LYPLAL1: variants seen among roughly 807,000 people sequenced by gnomAD.
The protein encoded by LYPLAL1 is lysophospholipase like 1.
In LYPLAL1, 23 loss-of-function variants were observed where a neutral mutation model predicts 19.7. The observed-to-expected ratio is 1.17, with a 90% CI of 0.84 to 1.65. The LOEUF (loss-of-function observed/expected upper bound fraction) is 1.65, where lower values mean the gene tolerates loss of function less well. Among genes scored for constraint, LYPLAL1 ranks in the 40% most tolerant of loss-of-function variants. The pLI, the probability that LYPLAL1 is intolerant of heterozygous loss-of-function variation, is 0.00. For missense variants in LYPLAL1, 355 were observed against 279.4 expected (o/e 1.27, Z -1.93); for synonymous variants, 119 against 96.3 (o/e 1.24, Z -1.38).
the LYPLAL1 span, among the ~76,000 whole-genome samples, chr1:219,261,099 AG>A: frequency 1.3e-5 from 2 of 152,184 alleles, no homozygotes; most frequent in Admixed American, 6.6e-5. Flanking sequence ...TCAGAGGAAA[AG>A]GCATCGCCTT....
chr1:219,248,704 G>A, the LYPLAL1 span, among the ~76,000 whole-genome samples: 3 of 152,194 alleles, frequency 2.0e-5, 1 homozygote, highest in East Asian at 5.8e-4. Flanking sequence ...TTTTGTGGTT[G>A]CTTCAGGGCG....
the LYPLAL1 span, among the ~76,000 whole-genome samples, chr1:219,226,085 C>T: frequency 6.6e-5 from 10 of 152,200 alleles, no homozygotes; most frequent in Non-Finnish European, 1.3e-4. Context: ...CTCCATGTTT[C>T]TGTATTCATC....
chr1:219,230,982 C>G, the LYPLAL1 span, among the ~76,000 whole-genome samples: 2 of 152,106 alleles, frequency 1.3e-5, no homozygotes, highest in Admixed American at 6.5e-5. Flanking sequence ...TTTAGAGACT[C>G]TCTTAAAAAA....
chr1:219,261,322 TTGTC>T, the LYPLAL1 span, among the ~76,000 whole-genome samples: 2 of 152,130 alleles, frequency 1.3e-5, no homozygotes, highest in African/African-American at 4.8e-5. Context: ...CTGGTGGTGA[TTGTC>T]TGCTCAAGAT....
chr1:219,443,698 C>T, the LYPLAL1 span, among the ~76,000 whole-genome samples: 2 of 151,170 alleles, frequency 1.3e-5, no homozygotes, highest in Non-Finnish European at 2.9e-5. Context: ...CACCAAACTT[C>T]TAAAGAAAGA....
At chr1:219,231,820 CTA>C in the LYPLAL1 span, among the ~76,000 whole-genome samples, 1 of 152,090 alleles carries the variant, frequency 6.6e-6, no homozygotes, top group African/African-American at 2.4e-5. Flanking sequence ...ATAGACAACT[CTA>C]TATATGTTCT....
At chr1:219,403,129 A>G in the LYPLAL1 span, among the ~76,000 whole-genome samples, 1 of 152,248 alleles carries the variant, frequency 6.6e-6, no homozygotes, top group Non-Finnish European at 1.5e-5. Flanking sequence ...TAGTAGTCAG[A>G]AAGACCTGGA....
chr1:219,228,890 G>A, the LYPLAL1 span, among the ~76,000 whole-genome samples: 949 of 152,020 alleles, frequency 6.2e-3, 11 homozygotes, highest in South Asian at 0.023. Flanking sequence ...TGTTGGTCAG[G>A]CTGGTCTCGA....
At chr1:219,230,732 A>C in the LYPLAL1 span, among the ~76,000 whole-genome samples, 10 of 152,230 alleles carry the variant, frequency 6.6e-5, no homozygotes, top group African/African-American at 2.4e-4. Context: ...GTGTTATCTA[A>C]ATGCTCAGTG....
At chr1:219,393,183 A>T in the LYPLAL1 span, among the ~76,000 whole-genome samples, 2 of 152,108 alleles carry the variant, frequency 1.3e-5, no homozygotes, top group Non-Finnish European at 2.9e-5. Flanking sequence ...GAGCCTCTGG[A>T]TTCTGGAGTC....
intron 3 of LYPLAL1, among the ~76,000 whole-genome samples, chr1:219,198,138 C>T (rs1009261351): frequency 5.9e-5 from 9 of 151,876 alleles, no homozygotes; most frequent in Non-Finnish European, 1.2e-4. Flanking sequence ...TTTCAAAGTC[C>T]GACAATGTGA....
the LYPLAL1 span, among the ~76,000 whole-genome samples, chr1:219,331,052 A>C: frequency 6.6e-6 from 1 of 152,156 alleles, no homozygotes; most frequent in Non-Finnish European, 1.5e-5. Context: ...CAACACATCT[A>C]TTAAATGTTC....
the LYPLAL1 span, among the ~76,000 whole-genome samples, chr1:219,254,328 T>C: frequency 6.6e-6 from 1 of 152,036 alleles, no homozygotes; most frequent in African/African-American, 2.4e-5. Flanking sequence ...ATTGTGCTGT[T>C]AGCTGGTTAT....
the LYPLAL1 span, among the ~76,000 whole-genome samples, chr1:219,431,169 T>C: frequency 6.6e-6 from 1 of 152,154 alleles, no homozygotes; most frequent in Non-Finnish European, 1.5e-5. Context: ...CCACACAGTA[T>C]GAAGGATGGT....
the LYPLAL1 span, among the ~76,000 whole-genome samples, chr1:219,344,631 C>A: frequency 6.6e-6 from 1 of 152,154 alleles, no homozygotes; most frequent in Non-Finnish European, 1.5e-5. Context: ...CCACCCTAAC[C>A]GCTCCAGCTC....
At chr1:219,175,001 T>A (rs140322514) in intron 1 of LYPLAL1, 1 of 985,246 alleles carries the variant, frequency 1.0e-6, no homozygotes, top group East Asian at 1.1e-4. Flanking sequence ...TCGAAGAAAG[T>A]GGTCTTTGAG....
chr1:219,252,076 C>T, the LYPLAL1 span, among the ~76,000 whole-genome samples: 5 of 151,850 alleles, frequency 3.3e-5, no homozygotes, highest in Non-Finnish European at 7.4e-5. Flanking sequence ...TCTGATTTGG[C>T]TGTTGGTTTG....
chr1:219,225,513 T>A, the LYPLAL1 span: 3 of 152,200 alleles, frequency 2.0e-5, no homozygotes, highest in African/African-American at 7.2e-5. Flanking sequence ...ATGCTTTTGA[T>A]GTTCTATAAA....
the LYPLAL1 span, among the ~76,000 whole-genome samples, chr1:219,344,697 T>A: frequency 1.3e-5 from 2 of 152,160 alleles, no homozygotes; most frequent in African/African-American, 2.4e-5. Context: ...CCCTTTGACA[T>A]CCCCAGACTT....
Sources: gnomAD v4.1 joint callset for allele counts (sites outside exome capture counted in the v4.1 genomes callset) on GRCh38, gnomAD v4.1.1 for gene constraint, MANE v1.5 for transcripts, NCBI Gene and HGNC (gene_info 2026-07-23, HGNC 2026-07-21) for gene names.